Variants in PRKCE observed in about 807,000 individuals in gnomAD.
The protein encoded by PRKCE is protein kinase C epsilon type.
PRKCE carries 16 observed loss-of-function variants against 85.4 expected under a neutral mutation model. The ratio of observed to expected loss-of-function variants is 0.19; its 90% CI spans 0.13 to 0.28. The LOEUF is 0.28. Among genes scored for constraint, PRKCE ranks in the 10% least tolerant of loss-of-function variants. The pLI is 1.00. For missense variants in PRKCE, 573 were observed against 975.2 expected, an observed-to-expected ratio of 0.59 and a Z score of 5.49; for synonymous variants, 388 against 371.5, an observed-to-expected ratio of 1.04 and a Z score of -0.51.
intron 1 of PRKCE, among the ~76,000 whole-genome samples, chr2:45,746,722 G>C (rs1683166484): frequency 6.6e-6 from 1 of 152,120 alleles, no homozygotes; most frequent in Admixed American, 6.5e-5. Flanking sequence ...TTTGTGGCTG[G>C]CTTGTTTTAC....
At chr2:45,972,351 T>G (rs1163648824) in intron 2 of PRKCE, among the ~76,000 whole-genome samples, 1 of 152,242 alleles carries the variant, frequency 6.6e-6, no homozygotes, top group Non-Finnish European at 1.5e-5. Flanking sequence ...GTTTCTTATG[T>G]ATTTTGGATA....
intron 1 of PRKCE, among the ~76,000 whole-genome samples, chr2:45,700,388 G>C (rs1422934583): frequency 6.6e-6 from 1 of 152,064 alleles, no homozygotes; most frequent in East Asian, 1.9e-4. Context: ...TGGTCTAGGA[G>C]GTCAGAGAGG....
chr2:45,796,770 C>T (rs1192308175), intron 1 of PRKCE, among the ~76,000 whole-genome samples: 1 of 152,166 alleles, frequency 6.6e-6, no homozygotes, highest in African/African-American at 2.4e-5. Flanking sequence ...AAAGACTTCA[C>T]AGGTCACGAG....
Position 46,007,528 on chromosome 2 carries a change from G to T in PRKCE, c.1130G>T (p.Arg377Leu). Reference protein sequence around the residue: ...LSFDNRGEEHRAASSPDGQLM... With the variant: ...LSFDNRGEEHLAASSPDGQLM... ...TTTGACAACCGAGGAGAGGAGCACC[G>T]GGCAGCATCGTCTCCTGATGGCCAG... The change falls in exon 9 of 15, where the codon CGG becomes CTG. Residue 377 changes from arginine (R) to leucine (L), a missense_variant. Arg to Leu is a moderately radical substitution (Grantham distance 102, BLOSUM62 -2). Coordinates refer to ENST00000306156, the MANE Select transcript of PRKCE (RefSeq NM_005400.3). The T allele has an allele frequency of 6.3e-7, 1 of 1,599,772 alleles. No homozygotes were observed. The highest frequency in any genetic ancestry group is 8.5e-7 in the Non-Finnish European group (1 of 1,179,972).
At chr2:46,058,245 C>T (rs72876183) in intron 10 of PRKCE, among the ~76,000 whole-genome samples, 6,421 of 152,268 alleles carry the variant, frequency 0.042, 366 homozygotes, top group African/African-American at 0.13. Flanking sequence ...TCCCTCTTGG[C>T]AGGACACAAA....
At chr2:45,760,356 A>C (rs1684362313) in intron 1 of PRKCE, among the ~76,000 whole-genome samples, 1 of 152,210 alleles carries the variant, frequency 6.6e-6, no homozygotes, top group Non-Finnish European at 1.5e-5. Context: ...CCAGGACATA[A>C]TGAAAACCAG....
chr2:45,898,435 C>T (rs1320963345), intron 2 of PRKCE, among the ~76,000 whole-genome samples: 1 of 152,190 alleles, frequency 6.6e-6, no homozygotes, highest in East Asian at 1.9e-4. Context: ...TTGACTTTCA[C>T]ACTAGGAGAT....
At chr2:45,727,780 G>A (rs528213621) in intron 1 of PRKCE, among the ~76,000 whole-genome samples, 29 of 152,250 alleles carry the variant, frequency 1.9e-4, no homozygotes, top group African/African-American at 5.8e-4. Flanking sequence ...TCAGCCTCCT[G>A]AGTAGCTGGG....
intron 11 of PRKCE, among the ~76,000 whole-genome samples, chr2:46,124,354 T>A (rs551711817): frequency 1.2e-4 from 18 of 152,308 alleles, no homozygotes; most frequent in African/African-American, 4.1e-4. Context: ...ATACTAGTGT[T>A]GAGTAGCTGA....
intron 2 of PRKCE, among the ~76,000 whole-genome samples, chr2:45,869,330 G>C (rs1693888443): frequency 6.6e-6 from 1 of 152,162 alleles, no homozygotes; most frequent in Non-Finnish European, 1.5e-5. Context: ...CATATCTTCA[G>C]GGAAGAGAGG....
intron 11 of PRKCE, among the ~76,000 whole-genome samples, chr2:46,101,240 T>C (rs193106215): frequency 6.6e-6 from 1 of 152,140 alleles, no homozygotes; most frequent in Non-Finnish European, 1.5e-5. Context: ...TAGGTGGGGA[T>C]GGCAGACAAT....
chr2:45,939,955 C>T (rs897209709), intron 2 of PRKCE, among the ~76,000 whole-genome samples: 2 of 152,192 alleles, frequency 1.3e-5, no homozygotes, highest in Non-Finnish European at 2.9e-5. Flanking sequence ...ACTGGGCTGG[C>T]AGTGAATTGC....
At chr2:45,894,387 A>G (rs1440946801) in intron 2 of PRKCE, among the ~76,000 whole-genome samples, 1 of 151,410 alleles carries the variant, frequency 6.6e-6, no homozygotes, top group Non-Finnish European at 1.5e-5. Flanking sequence ...CCAATAAGGA[A>G]GCCAATAAAA....
intron 14 of PRKCE, among the ~76,000 whole-genome samples, chr2:46,163,386 G>A: frequency 6.9e-6 from 1 of 145,108 alleles, no homozygotes; most frequent in South Asian, 2.3e-4. Context: ...AGAGGCCACT[G>A]AGAGACACGG....
At position 45,907,942 on chromosome 2, in the gene PRKCE, C is replaced by A. The variant is rs1174157524; in HGVS notation, c.412+64879C>A. On this transcript the variant is annotated intron_variant, in intron 2 of 14. Coordinates refer to ENST00000306156, the MANE Select transcript of PRKCE (RefSeq NM_005400.3). This position sits in a 1 kb window ranked among gnomAD's most constrained non-coding sequence, Gnocchi z 4.5. ...CTCCCATGCCCCTCCCAGTTTTCACCTTCTAGGATTCTGTCCGACTTCATC... is the reference window on the plus strand; with the variant it reads ...CTCCCATGCCCCTCCCAGTTTTCACATTCTAGGATTCTGTCCGACTTCATC... Among the ~76,000 whole-genome samples the A allele has an allele frequency of 6.6e-6, 1 of 152,204 alleles. No individual in the cohort carries two copies. The highest frequency in any genetic ancestry group is 1.5e-5 in the Non-Finnish European group (1 of 68,032).
At chr2:45,706,998 C>A (rs1006495524) in intron 1 of PRKCE, among the ~76,000 whole-genome samples, 2 of 152,102 alleles carry the variant, frequency 1.3e-5, no homozygotes, top group African/African-American at 4.8e-5. Context: ...GTCGATTTTC[C>A]ACTTTGACTG....
rs72874322 is a variant in PRKCE at position 45,931,091 on chromosome 2, A to T, written c.413-45338A>T. Reference sequence around the variant, plus strand: ...AAGCAGAGGCCAACAACATTACATGACTTGCCCAGGATCCATCATGCTTCA... The same window carrying T: ...AAGCAGAGGCCAACAACATTACATGTCTTGCCCAGGATCCATCATGCTTCA... On this transcript the variant is annotated intron_variant, in intron 2 of 14. Transcript: ENST00000306156. Among the ~76,000 whole-genome samples, 1,287 of 152,320 alleles carry T rather than the reference A, an allele frequency of 8.4e-3. 26 individuals are homozygous for T. Among genetic ancestry groups the T allele is most frequent in the African/African-American group, 0.029 (1,214 of 41,570 alleles).
intron 1 of PRKCE, among the ~76,000 whole-genome samples, chr2:45,663,729 G>A (rs1350594121): frequency 6.6e-6 from 1 of 152,074 alleles, no homozygotes; most frequent in Non-Finnish European, 1.5e-5. Context: ...GTTGCAGTGA[G>A]CCGATGTTAC....
intron 1 of PRKCE, among the ~76,000 whole-genome samples, chr2:45,670,571 T>C (rs1473296424): frequency 2.0e-5 from 3 of 152,182 alleles, no homozygotes; most frequent in Non-Finnish European, 2.9e-5. Flanking sequence ...TAAAAAAACA[T>C]TGAGAAATAT....
Sources: gnomAD v4.1 joint callset for allele counts (sites outside exome capture counted in the v4.1 genomes callset) on GRCh38, gnomAD v4.1.1 for gene constraint, Gnocchi (gnomAD v3.1) non-coding constraint, MANE v1.5 for transcripts, NCBI Gene and HGNC (gene_info 2026-07-23, HGNC 2026-07-21) for gene names.